KLRF1: variants seen among roughly 807,000 people sequenced by gnomAD.
The protein encoded by KLRF1 is killer cell lectin-like receptor subfamily F member 1.
KLRF1 carries 27 observed loss-of-function variants against 30.7 expected under a neutral mutation model. That is an observed-to-expected ratio of 0.88 (90% CI 0.65 to 1.21). The LOEUF is 1.21. Ranked by LOEUF, KLRF1 falls within the 50% of genes most tolerant of loss-of-function variation. The pLI is 0.00. For synonymous variants in KLRF1, 92 were observed against 89.3 expected (o/e 1.03, Z -0.17); for missense variants, 246 against 259.3 (o/e 0.95, Z 0.35).
intron 5 of KLRF1, 111 bp downstream of exon 5, chr12:9,842,544 G>T: frequency 2.3e-6 from 2 of 881,356 alleles, no homozygotes; most frequent in Non-Finnish European, 3.3e-6. Flanking sequence ...GAATTCAAAA[G>T]AATGAAAATT....
At chr12:9,806,762 A>G in the KLRF1 span, among the ~76,000 whole-genome samples, 6 of 151,950 alleles carry the variant, frequency 3.9e-5, no homozygotes, top group African/African-American at 1.5e-4. Flanking sequence ...GCTCATTGCA[A>G]CCTTAACCTC....
upstream of KLRF1, among the ~76,000 whole-genome samples, chr12:9,825,007 T>G (rs1867264337): frequency 1.3e-5 from 2 of 152,110 alleles, no homozygotes; most frequent in Non-Finnish European, 2.9e-5. Flanking sequence ...TGCTCATGGA[T>G]CAGAATAATA....
chr12:9,829,714 G>A (rs923246452), intron 1 of KLRF1, among the ~76,000 whole-genome samples: 1 of 152,092 alleles, frequency 6.6e-6, no homozygotes, highest in African/African-American at 2.4e-5. Flanking sequence ...AGCTCTAATG[G>A]TGCCACTGCA....
chr12:9,825,222 A>G (rs1432751661), upstream of KLRF1, among the ~76,000 whole-genome samples: 2 of 150,854 alleles, frequency 1.3e-5, no homozygotes, highest in South Asian at 4.2e-4. Context: ...TTCAAATTAT[A>G]CTACAGTACT....
Position 9,841,868 on chromosome 12 carries a change from G to A in KLRF1, c.391G>A (p.Glu131Lys). 6.2e-7 allele frequency: 1 copy of A among 1,609,794 alleles called. No homozygotes were observed. The highest frequency in any genetic ancestry group is 8.5e-7 in the Non-Finnish European group (1 of 1,176,614). ...AGGGAAGTGTTATTGGTTCTCTAATGAGATGAAAAGCTGGAGTGACAGTTA... is the reference window on the plus strand; with the variant it reads ...AGGGAAGTGTTATTGGTTCTCTAATAAGATGAAAAGCTGGAGTGACAGTTA... Reference protein sequence around the residue: ...YQGKCYWFSNEMKSWSDSYVY... With the variant: ...YQGKCYWFSNKMKSWSDSYVY... The change falls in exon 4 of 6, where the codon GAG becomes AAG. Residue 131 changes from glutamate to lysine, a missense_variant. Transcript: ENST00000617889.
chr12:9,808,817 T>C, the KLRF1 span, among the ~76,000 whole-genome samples: 2 of 152,168 alleles, frequency 1.3e-5, no homozygotes, highest in Non-Finnish European at 2.9e-5. Context: ...ATCACATTAA[T>C]GGTTTTGGAA....
chr12:9,802,265 A>T, the KLRF1 span, among the ~76,000 whole-genome samples: 76 of 152,242 alleles, frequency 5.0e-4, 2 homozygotes, highest in South Asian at 0.011. Context: ...GATGCAGAAA[A>T]GGCCTTTGAT....
chr12:9,829,363 T>A lies in KLRF1; in HGVS notation c.85+1734T>A, dbSNP rs1867356415. Among the ~76,000 whole-genome samples, 4 of 152,326 alleles carry A rather than the reference T, an allele frequency of 2.6e-5. No individual in the cohort carries two copies. In the South Asian group the frequency reaches 8.3e-4, roughly 32 times the overall value. The stretch of plus-strand genomic sequence containing the variant: ...TAGTGAAGACACTAACAATACCTAG[T>A]TAGATTCCTTTTCTTCATTTTTTAT... On this transcript the variant is annotated intron_variant, in intron 1 of 5. Transcript: ENST00000617889.
chr12:9,815,507 A>G, the KLRF1 span, among the ~76,000 whole-genome samples: 5 of 152,202 alleles, frequency 3.3e-5, no homozygotes, highest in Non-Finnish European at 7.3e-5. Context: ...AGCAGATACC[A>G]CTTGAGTAGC....
the KLRF1 span, among the ~76,000 whole-genome samples, chr12:9,811,800 G>T: frequency 6.6e-6 from 1 of 152,130 alleles, no homozygotes; most frequent in South Asian, 2.1e-4. Flanking sequence ...TATACAGTCA[G>T]TTTTACATAC....
At chr12:9,817,482 G>T in the KLRF1 span, 1 of 422,956 alleles carries the variant, frequency 2.4e-6, no homozygotes, top group East Asian at 8.5e-5. Flanking sequence ...TCCTTATTTC[G>T]CTTGAGATTT....
At chr12:9,840,567 G>A (rs994913426) in intron 3 of KLRF1, among the ~76,000 whole-genome samples, 2 of 151,882 alleles carry the variant, frequency 1.3e-5, no homozygotes, top group African/African-American at 2.4e-5. Context: ...GTTATTAAGA[G>A]GTTGAAAATA....
chr12:9,836,241 G>A (rs1289828902), intron 3 of KLRF1, among the ~76,000 whole-genome samples: 2 of 151,916 alleles, frequency 1.3e-5, no homozygotes, highest in African/African-American at 4.8e-5. Context: ...AGGGCTTTAC[G>A]AAGTTACCCC....
chr12:9,829,525 G>C (rs1269178194), intron 1 of KLRF1, among the ~76,000 whole-genome samples: 1 of 152,182 alleles, frequency 6.6e-6, no homozygotes. Flanking sequence ...GGCCGAGGCA[G>C]GATGATCGCT....
chr12:9,832,189 C>A, intron 1 of KLRF1, 127 bp from the exon 2 acceptor site: 1 of 528,740 alleles, frequency 1.9e-6, no homozygotes. Context: ...AGCCTTCATG[C>A]TTTTGATTGC....
chr12:9,813,769 A>G, the KLRF1 span, among the ~76,000 whole-genome samples: 2 of 152,186 alleles, frequency 1.3e-5, no homozygotes, highest in Non-Finnish European at 2.9e-5. Context: ...CTGGGAGCCC[A>G]GAGACTTCTT....
At chr12:9,822,344 A>G in the KLRF1 span, among the ~76,000 whole-genome samples, 1 of 152,238 alleles carries the variant, frequency 6.6e-6, no homozygotes, top group East Asian at 1.9e-4. Flanking sequence ...CTAGAGCTGG[A>G]AAACACATTA....
chr12:9,800,058 C>T, the KLRF1 span, among the ~76,000 whole-genome samples: 9 of 152,004 alleles, frequency 5.9e-5, no homozygotes, highest in South Asian at 1.9e-3. Flanking sequence ...CATTCATGAG[C>T]AGGCTTTTGT....
At position 9,844,398 on chromosome 12, in the gene KLRF1, A is replaced by G. The variant is rs773409530; in HGVS notation, c.588-20A>G. The stretch of plus-strand genomic sequence containing the variant: ...CTTCAGCTACAGTGATTAACAAAGT[A>G]TTTATTCTCTCTTCCCTAGATTCTT... On this transcript the variant is annotated intron_variant, in intron 5 of 5. Transcript: ENST00000617889. The G allele has an allele frequency of 3.1e-6, 4 of 1,288,120 alleles. No individual in the cohort carries two copies. In the East Asian group the frequency reaches 9.2e-5, roughly 30 times the overall value. The allele number at this position is 1,288,120 out of a possible 1,614,324, so 79.8% of individuals were successfully genotyped here.
Sources: gnomAD v4.1 joint callset for allele counts (sites outside exome capture counted in the v4.1 genomes callset) on GRCh38, gnomAD v4.1.1 for gene constraint, MANE v1.5 for transcripts, NCBI Gene and HGNC (gene_info 2026-07-23, HGNC 2026-07-21) for gene names.